Variants in COBL observed in about 807,000 individuals in gnomAD.
COBL encodes the protein protein cordon-bleu.
A neutral mutation model predicts 98.8 loss-of-function variants in COBL; 51 were observed. That is an observed-to-expected ratio of 0.52 (90% CI 0.41 to 0.65). The LOEUF (loss-of-function observed/expected upper bound fraction) is 0.65. Among genes scored for constraint, COBL ranks in the 30% least tolerant of loss-of-function variants. The pLI is 0.00. For missense variants in COBL, 1,617 were observed against 1,617.5 expected, an observed-to-expected ratio of 1.00 and a Z score of 0.01; for synonymous variants, 634 against 651.7, an observed-to-expected ratio of 0.97 and a Z score of 0.41.
intron 7 of COBL, among the ~76,000 whole-genome samples, chr7:51,053,569 C>CGTCT (rs1790435765): frequency 1.3e-5 from 2 of 152,242 alleles, no homozygotes; most frequent in East Asian, 3.9e-4. Flanking sequence ...ATCTGAGCCT[C>CGTCT]GTCTCTTGCA....
chr7:51,284,644 T>C (rs967848934), intron 1 of COBL, among the ~76,000 whole-genome samples: 6 of 151,506 alleles, frequency 4.0e-5, no homozygotes, highest in South Asian at 2.1e-4. Context: ...CTGGCCAACA[T>C]AGTGAAACCC....
intron 7 of COBL, among the ~76,000 whole-genome samples, chr7:51,082,487 C>A (rs906854543): frequency 1.3e-5 from 2 of 152,168 alleles, no homozygotes; most frequent in Admixed American, 1.3e-4. Flanking sequence ...ACAGGGTGTG[C>A]CAGGAAACAG....
chr7:51,310,931 C>T (rs1338130636), intron 1 of COBL, among the ~76,000 whole-genome samples: 3 of 151,558 alleles, frequency 2.0e-5, no homozygotes, highest in Admixed American at 6.6e-5. Flanking sequence ...GCTGGGATTA[C>T]AGGCGTAAGC....
chr7:51,060,769 CAAT>C (rs1051668427), intron 7 of COBL, among the ~76,000 whole-genome samples: 2 of 152,184 alleles, frequency 1.3e-5, no homozygotes, highest in African/African-American at 4.8e-5. Context: ...GGGGGCACAA[CAAT>C]GATTCCACCG....
At chr7:51,042,174 G>C (rs1170962046) in intron 8 of COBL, among the ~76,000 whole-genome samples, 1 of 151,926 alleles carries the variant, frequency 6.6e-6, no homozygotes, top group African/African-American at 2.4e-5. Context: ...CTCTTAAATA[G>C]GCAAAGATTA....
At chr7:51,196,424 G>A (rs1307607093) in intron 2 of COBL, among the ~76,000 whole-genome samples, 2 of 152,094 alleles carry the variant, frequency 1.3e-5, no homozygotes, top group African/African-American at 2.4e-5. Flanking sequence ...GGATTTCTGC[G>A]CTGATGTTCA....
In COBL at chr7:51,271,806, G is replaced by A. The variant is rs1490544716; in HGVS notation, c.41+44787C>T. On this transcript the variant is annotated intron_variant, in intron 1 of 12. Transcript: ENST00000265136. ...ACACTTTGGAAGACCGAGGCAGGAG[G>A]ATCACTTGAGGTCAGGAGTTCTAAG... Among the ~76,000 whole-genome samples the A allele has an allele frequency of 2.6e-5, 4 of 152,204 alleles. 1 individual carries two copies. In the South Asian group the frequency reaches 6.2e-4, roughly 24 times the overall value.
Position 51,046,161 on chromosome 7 carries a change from A to G in COBL, c.1097-2469T>C, listed in dbSNP as rs77575882. Among the ~76,000 whole-genome samples, 531 of 152,274 alleles carry G rather than the reference A, an allele frequency of 3.5e-3. 2 individuals carry two copies. Among genetic ancestry groups the G allele is most frequent in the African/African-American group, 0.012 (488 of 41,574 alleles). On this transcript the variant is annotated intron_variant, in intron 7 of 12. Transcript: ENST00000265136. The stretch of plus-strand genomic sequence containing the variant: ...TGTCTAAATGCTGGGAGGAGAGGGA[A>G]CATGGGTGAAAGGCCTTCTGCCAAA...
At chr7:51,066,860 C>A (rs1038006424) in intron 7 of COBL, among the ~76,000 whole-genome samples, 3 of 152,336 alleles carry the variant, frequency 2.0e-5, no homozygotes, top group Middle Eastern at 3.4e-3. Context: ...AGTGCAAGGG[C>A]AGAGACGAAA....
intron 4 of COBL, 97 bp downstream of exon 4, chr7:51,190,753 C>T (rs1790025499): frequency 4.3e-6 from 4 of 937,090 alleles, no homozygotes; most frequent in East Asian, 2.6e-5. Context: ...CTCTCCCTGG[C>T]GCTACTGAGA....
chr7:51,057,114 C>T (rs185088252), intron 7 of COBL, among the ~76,000 whole-genome samples: 17 of 152,244 alleles, frequency 1.1e-4, no homozygotes, highest in Middle Eastern at 3.4e-3. Flanking sequence ...GGTTCTCAGA[C>T]GGACTGTCTC....
chr7:51,248,082 T>C (rs1796412363), intron 1 of COBL, among the ~76,000 whole-genome samples: 1 of 151,872 alleles, frequency 6.6e-6, no homozygotes, highest in Non-Finnish European at 1.5e-5. Context: ...GAGGCTGCAG[T>C]GAGCCGAGAT....
At chr7:51,225,290 T>C (rs957064983) in intron 1 of COBL, among the ~76,000 whole-genome samples, 7 of 152,206 alleles carry the variant, frequency 4.6e-5, no homozygotes, top group Admixed American at 3.9e-4. Context: ...TTCTCAAACA[T>C]CTGTGCAGAT....
At chr7:51,120,957 T>C (rs184966997) in intron 6 of COBL, among the ~76,000 whole-genome samples, 1 of 152,350 alleles carries the variant, frequency 6.6e-6, no homozygotes, top group Admixed American at 6.5e-5. Context: ...TCAGCTATTA[T>C]GAATCATGCT....
At chr7:51,067,314 T>C (rs1792036674) in intron 7 of COBL, among the ~76,000 whole-genome samples, 2 of 152,262 alleles carry the variant, frequency 1.3e-5, no homozygotes, top group South Asian at 4.1e-4. Flanking sequence ...CATGAATATA[T>C]ACAAACATGA....
chr7:51,294,311 A>AATAAATAAATAAATAC (rs1801192921), intron 1 of COBL, among the ~76,000 whole-genome samples: 1 of 146,042 alleles, frequency 6.8e-6, no homozygotes, highest in African/African-American at 2.5e-5. Flanking sequence ...TAAATAAATA[A>AATAAATAAATAAATAC]ATAAATAAAT....
At chr7:51,040,204 A>C (rs1320923926) in intron 8 of COBL, among the ~76,000 whole-genome samples, 4 of 152,092 alleles carry the variant, frequency 2.6e-5, no homozygotes, top group Admixed American at 6.5e-5. Context: ...AAAAAAAAAA[A>C]AAAACCTCAA....
In COBL at chr7:51,240,333, G is replaced by A. The variant is rs149518814; in HGVS notation, c.42-20389C>T. ...CAGGTCAGCAAAGTCTCATATCACT[G>A]AAGGAAAGAGGACATTCTAACATTC... On this transcript the variant is annotated intron_variant, in intron 1 of 12. Transcript: ENST00000265136. Among the ~76,000 whole-genome samples the A allele has an allele frequency of 5.4e-4, 82 of 152,308 alleles. No individual in the cohort carries two copies. In the Middle Eastern group the frequency reaches 0.014, roughly 25 times the overall value.
At chr7:51,276,877 T>C (rs1470165480) in intron 1 of COBL, among the ~76,000 whole-genome samples, 1 of 152,130 alleles carries the variant, frequency 6.6e-6, no homozygotes, top group Non-Finnish European at 1.5e-5. Context: ...GCTTTTACCA[T>C]ACAAGGGAGA....
Sources: gnomAD v4.1 joint callset for allele counts (sites outside exome capture counted in the v4.1 genomes callset) on GRCh38, gnomAD v4.1.1 for gene constraint, MANE v1.5 for transcripts, NCBI Gene and HGNC (gene_info 2026-07-23, HGNC 2026-07-21) for gene names.